ELAPOR1: variants seen among roughly 807,000 people sequenced by gnomAD.
ELAPOR1 encodes the protein endosome-lysosome associated apoptosis and autophagy regulator 1, also known as endosome/lysosome-associated apoptosis and autophagy regulator 1.
A neutral mutation model predicts 119.7 loss-of-function variants in ELAPOR1; 77 were observed. That is an observed-to-expected ratio of 0.64 (90% CI 0.54 to 0.78). The LOEUF (loss-of-function observed/expected upper bound fraction) is 0.78, where lower values mean the gene tolerates loss of function less well. ELAPOR1 is among the 30% of genes least tolerant of loss of function. ELAPOR1 has a pLI of 0.00. For missense variants in ELAPOR1, 1,115 were observed against 1,270.4 expected, an observed-to-expected ratio of 0.88 and a Z score of 1.86; for synonymous variants, 481 against 487.2, an observed-to-expected ratio of 0.99 and a Z score of 0.17.
chr1:109,116,023 A>T (rs1015520549), intron 1 of ELAPOR1, among the ~76,000 whole-genome samples: 31 of 152,350 alleles, frequency 2.0e-4, no homozygotes, highest in Middle Eastern at 6.8e-3. Context: ...CATACAGTTT[A>T]ACTACCAATT....
At chr1:109,145,449 T>A (rs1650115963) in intron 1 of ELAPOR1, among the ~76,000 whole-genome samples, 1 of 151,810 alleles carries the variant, frequency 6.6e-6, no homozygotes, top group South Asian at 2.1e-4. Context: ...TGAGATCAGG[T>A]GTTTGAGACC....
chr1:109,176,698 G>C (rs1652311780), intron 7 of ELAPOR1, among the ~76,000 whole-genome samples: 1 of 147,334 alleles, frequency 6.8e-6, no homozygotes, highest in Admixed American at 6.8e-5. Flanking sequence ...GGGAAGGTCA[G>C]CAGATAAACA....
intron 1 of ELAPOR1, among the ~76,000 whole-genome samples, chr1:109,152,232 G>A (rs993378349): frequency 3.9e-5 from 6 of 152,176 alleles, no homozygotes; most frequent in African/African-American, 1.4e-4. Context: ...GAGGAGAAGA[G>A]AAACTTCTCT....
chr1:109,143,403 G>T (rs1156977788), intron 1 of ELAPOR1, among the ~76,000 whole-genome samples: 1 of 152,138 alleles, frequency 6.6e-6, no homozygotes, highest in Non-Finnish European at 1.5e-5. Context: ...GTCCACAATA[G>T]GTAAATACAT....
chr1:109,191,789 T>C lies in ELAPOR1; in HGVS notation c.1609T>C (p.Tyr537His), dbSNP rs1246282015. Residue 537 changes from tyrosine (Y) to histidine (H), a missense_variant, in exon 13 of 22, where the codon TAT becomes CAT. By Grantham distance (83) the Tyr-to-His change is moderately conservative. Coordinates refer to ENST00000369939, the MANE Select transcript of ELAPOR1 (RefSeq NM_020775.5). ...TWKGSKGKQSYTYIIEENTTT... is the reference protein window; with the variant it reads ...TWKGSKGKQSHTYIIEENTTT... Reference sequence around the variant, plus strand: ...GAAAGGTTCCAAAGGCAAACAGTCCTATACCTACATCATTGAGGAGAACAC... The same window carrying C: ...GAAAGGTTCCAAAGGCAAACAGTCCCATACCTACATCATTGAGGAGAACAC... 1.2e-6 allele frequency: 2 copies of C among 1,614,100 alleles called. No homozygotes were observed. The highest frequency in any genetic ancestry group is 2.7e-5 in the African/African-American group (2 of 74,940).
At chr1:109,147,071 A>G (rs1416374610) in intron 1 of ELAPOR1, among the ~76,000 whole-genome samples, 1 of 92,362 alleles carries the variant, frequency 1.1e-5, no homozygotes, top group Admixed American at 1.2e-4. Context: ...ACGCCTGGCT[A>G]ATTTTTTTTT....
intron 1 of ELAPOR1, among the ~76,000 whole-genome samples, chr1:109,154,352 C>T (rs1045811271): frequency 2.6e-5 from 4 of 151,734 alleles, no homozygotes; most frequent in African/African-American, 4.8e-5. Flanking sequence ...TATCAGTACC[C>T]GTACAAAATA....
chr1:109,174,699 G>A (rs12032147), intron 7 of ELAPOR1, among the ~76,000 whole-genome samples: 70,258 of 151,628 alleles, frequency 0.46, 17,275 homozygotes, highest in African/African-American at 0.64. Context: ...AGGGATTAGG[G>A]AAGCTAAGGA....
At chr1:109,165,238 G>C (rs548900570) in intron 3 of ELAPOR1, among the ~76,000 whole-genome samples, 27 of 152,092 alleles carry the variant, frequency 1.8e-4, no homozygotes, top group Admixed American at 8.5e-4. Flanking sequence ...GTTAGACTGA[G>C]CTATGACCGC....
intron 7 of ELAPOR1, among the ~76,000 whole-genome samples, chr1:109,180,456 T>C (rs1490741557): frequency 6.6e-6 from 1 of 151,790 alleles, no homozygotes; most frequent in Non-Finnish European, 1.5e-5. Flanking sequence ...GAGTGAGCCA[T>C]GATTGCTCCA....
chr1:109,134,533 A>T (rs184283224), intron 1 of ELAPOR1, among the ~76,000 whole-genome samples: 1 of 152,078 alleles, frequency 6.6e-6, no homozygotes, highest in Admixed American at 6.6e-5. Context: ...CCCTCTGTGT[A>T]ACATAAAAAA....
intron 1 of ELAPOR1, among the ~76,000 whole-genome samples, chr1:109,141,272 T>C (rs1649809113): frequency 1.3e-5 from 2 of 152,076 alleles, no homozygotes; most frequent in Admixed American, 1.3e-4. Flanking sequence ...TTAATTAATT[T>C]TTTTTTGAGA....
At chr1:109,167,735 G>A (rs535982152) in intron 3 of ELAPOR1, among the ~76,000 whole-genome samples, 179 of 152,022 alleles carry the variant, frequency 1.2e-3, no homozygotes, top group Non-Finnish European at 2.1e-3. Context: ...TCAACCTCCC[G>A]CGTAGCTGGG....
At chr1:109,114,484 C>T (rs1647852848) in intron 1 of ELAPOR1, 148 bp downstream of exon 1, 1 of 945,248 alleles carries the variant, frequency 1.1e-6, no homozygotes, top group Non-Finnish European at 1.5e-6. Flanking sequence ...GAAGAGGAGC[C>T]AGTCTGGCGT....
Position 109,198,510 on chromosome 1 carries a change from G to A in ELAPOR1, c.2400-63G>A, listed in dbSNP as rs981559747. 3 of 1,422,784 alleles carry A rather than the reference G, an allele frequency of 2.1e-6. No homozygotes were observed. In the Admixed American group the frequency reaches 5.8e-5, roughly 27 times the overall value. 88.1% of individuals were successfully genotyped at this position (1,422,784 alleles called of 1,614,324 possible). ...GAATTGCTCCATGCGGATTTCTCTT[G>A]GTGGCTGTCCAATAACACAGCTGAG... On this transcript the variant is annotated intron_variant, in intron 17 of 21. Transcript: ENST00000369939.
chr1:109,178,607 T>C (rs1370371332), intron 7 of ELAPOR1, among the ~76,000 whole-genome samples: 2 of 152,138 alleles, frequency 1.3e-5, no homozygotes, highest in Non-Finnish European at 2.9e-5. Context: ...GGAAATGTGG[T>C]TATATAAACA....
At position 109,189,686 on chromosome 1, in the gene ELAPOR1, A is replaced by G; in HGVS notation, c.1439+4A>G. On this transcript the variant is annotated splice_donor_region_variant and intron_variant, in intron 11 of 21. Transcript: ENST00000369939. ...CTCTGGTTGTGCCAGGATTTAGGTG[A>G]GGAATCCAAAGCCCAGGGGAGTCCA... 6.2e-7 allele frequency: 1 copy of G among 1,612,726 alleles called. No individual in the cohort carries two copies. Among genetic ancestry groups the G allele is most frequent in the East Asian group, 2.2e-5 (1 of 44,866 alleles).
At position 109,114,332 on chromosome 1, in the gene ELAPOR1, A is replaced by T; in HGVS notation, c.149A>T (p.Lys50Ile). 1 of 1,587,924 alleles carries T rather than the reference A, an allele frequency of 6.3e-7. No individual in the cohort carries two copies. The highest frequency in any genetic ancestry group is 8.6e-7 in the Non-Finnish European group (1 of 1,167,198). The change falls in exon 1 of 22, where the codon AAA (lysine) becomes ATA (isoleucine). Residue 50 changes from lysine to isoleucine, a missense_variant. Coordinates refer to ENST00000369939, the MANE Select transcript of ELAPOR1 (RefSeq NM_020775.5). ...QGTGPELHAC[K>I]ESEYHYEYTA... is the part of the protein sequence containing the mutation. ...ACGGGACCGGAGCTTCATGCCTGCA[A>T]AGAGGTACTGCCGCCCCCCTACCCG... is the stretch of plus-strand genomic sequence containing the variant.
chr1:109,191,772 C>G lies in ELAPOR1; in HGVS notation c.1592C>G (p.Ser531Cys), dbSNP rs769882385. 1.9e-6 allele frequency: 3 copies of G among 1,614,208 alleles called. No individual in the cohort carries two copies. Among genetic ancestry groups the G allele is most frequent in the Non-Finnish European group, 2.5e-6 (3 of 1,180,044 alleles). Residue 531 changes from serine to cysteine, a missense_variant, in exon 13 of 22, where the codon TCC becomes TGC. Physicochemically the swap from Ser to Cys is moderately radical, Grantham distance 112. Coordinates refer to ENST00000369939, the MANE Select transcript of ELAPOR1 (RefSeq NM_020775.5). ...TNTPVETWKG[S>C]KGKQSYTYII... Reference sequence around the variant, plus strand: ...ACTCCTGTGGAGACGTGGAAAGGTTCCAAAGGCAAACAGTCCTATACCTAC... The same window carrying G: ...ACTCCTGTGGAGACGTGGAAAGGTTGCAAAGGCAAACAGTCCTATACCTAC...
Sources: gnomAD v4.1 joint callset for allele counts (sites outside exome capture counted in the v4.1 genomes callset) on GRCh38, gnomAD v4.1.1 for gene constraint, MANE v1.5 for transcripts, NCBI Gene and HGNC (gene_info 2026-07-23, HGNC 2026-07-21) for gene names.